FNDC3A: variants seen among roughly 807,000 people sequenced by gnomAD.
FNDC3A encodes fibronectin type III domain containing 3A.
In FNDC3A, 32 loss-of-function variants were observed where a neutral mutation model predicts 148.9. The ratio of observed to expected loss-of-function variants is 0.21; its 90% CI spans 0.16 to 0.29. FNDC3A has a LOEUF of 0.29. FNDC3A is among the 10% of genes least tolerant of loss of function. FNDC3A has a pLI of 1.00. For synonymous variants in FNDC3A, 472 were observed against 473.6 expected (o/e 1.00, Z 0.04); for missense variants, 1,191 against 1,452.8 (o/e 0.82, Z 2.93).
intron 5 of FNDC3A, among the ~76,000 whole-genome samples, chr13:49,134,320 G>GT (rs1356000005): frequency 6.6e-6 from 1 of 151,582 alleles, no homozygotes; most frequent in Non-Finnish European, 1.5e-5. Flanking sequence ...TTTGTGTCTA[G>GT]TTTTTTTTCA....
chr13:49,145,724 C>G, intron 7 of FNDC3A, 54 bp from the exon 8 acceptor site: 1 of 1,384,650 alleles, frequency 7.2e-7, no homozygotes, highest in South Asian at 1.2e-5. Flanking sequence ...TTTCACTGCT[C>G]ATTGTATACA....
At chr13:49,179,273 T>C (rs1447678055) in intron 14 of FNDC3A, among the ~76,000 whole-genome samples, 1 of 152,152 alleles carries the variant, frequency 6.6e-6, no homozygotes, top group Admixed American at 6.6e-5. Context: ...TCACAGAAAA[T>C]AATGCTACAT....
chr13:49,192,671 T>G (rs559464410), intron 19 of FNDC3A, among the ~76,000 whole-genome samples: 1 of 152,204 alleles, frequency 6.6e-6, no homozygotes. Context: ...AGAAGCCATC[T>G]TGTCAGCCTC....
chr13:49,008,781 A>G, intron 2 of FNDC3A, among the ~76,000 whole-genome samples: 1 of 152,136 alleles, frequency 6.6e-6, no homozygotes, highest in East Asian at 1.9e-4. Context: ...CATTTTGACA[A>G]GCAGCTTATG....
At chr13:49,189,814 A>G (rs1275158472) in intron 17 of FNDC3A, among the ~76,000 whole-genome samples, 1 of 148,672 alleles carries the variant, frequency 6.7e-6, no homozygotes, top group African/African-American at 2.4e-5. Context: ...AAGATGACCA[A>G]ATATTTTGTG....
chr13:48,984,673 G>GT (rs1381144807), intron 1 of FNDC3A, among the ~76,000 whole-genome samples: 3 of 151,918 alleles, frequency 2.0e-5, no homozygotes, highest in African/African-American at 7.3e-5. Flanking sequence ...GGACTAAATG[G>GT]TTTTTTATTT....
At chr13:49,006,957 T>C (rs927168897) in intron 2 of FNDC3A, among the ~76,000 whole-genome samples, 4 of 152,088 alleles carry the variant, frequency 2.6e-5, no homozygotes, top group African/African-American at 9.7e-5. Flanking sequence ...AGGAACAGTT[T>C]AGGTGCCCAT....
chr13:49,015,624 T>G (rs1416619193), intron 2 of FNDC3A, among the ~76,000 whole-genome samples: 1 of 152,176 alleles, frequency 6.6e-6, no homozygotes, highest in African/African-American at 2.4e-5. Context: ...TGGCCAGAAC[T>G]TCCAACACTA....
intron 3 of FNDC3A, among the ~76,000 whole-genome samples, chr13:49,104,484 A>G (rs1046116033): frequency 2.3e-5 from 1 of 42,778 alleles, no homozygotes; most frequent in African/African-American, 9.3e-5. Context: ...AGATCGCGCC[A>G]CTGCACTCCA....
intron 3 of FNDC3A, chr13:49,110,204 G>GC (rs938089071): frequency 1.3e-5 from 6 of 445,888 alleles, no homozygotes; most frequent in African/African-American, 1.2e-4. Flanking sequence ...GGGAACGTTT[G>GC]CTTTTTTTTC....
chr13:49,167,936 C>T (rs1016834545), intron 9 of FNDC3A, among the ~76,000 whole-genome samples: 1 of 152,062 alleles, frequency 6.6e-6, no homozygotes, highest in Non-Finnish European at 1.5e-5. Context: ...ATTTTGTTTA[C>T]ACATATCTTT....
intron 18 of FNDC3A, 36 bp from the exon 19 acceptor site, chr13:49,191,173 G>C (rs150382347): frequency 9.4e-6 from 15 of 1,603,304 alleles, no homozygotes; most frequent in East Asian, 2.2e-5. Flanking sequence ...GGAAGTATTC[G>C]TCTTGTTAAA....
At chr13:49,071,061 C>CTTTTTT (rs35935869) in intron 2 of FNDC3A, among the ~76,000 whole-genome samples, 5 of 84,716 alleles carry the variant, frequency 5.9e-5, no homozygotes, top group Admixed American at 3.4e-4. Flanking sequence ...CCCATGCCGG[C>CTTTTTT]TTTTTTTTTT....
At chr13:49,143,405 A>T (rs1474709270) in intron 7 of FNDC3A, among the ~76,000 whole-genome samples, 1 of 152,142 alleles carries the variant, frequency 6.6e-6, no homozygotes, top group Non-Finnish European at 1.5e-5. Context: ...TTAGCATTTT[A>T]AAATTTTTTT....
chr13:49,043,866 C>G (rs1170249952), intron 2 of FNDC3A, among the ~76,000 whole-genome samples: 1 of 152,006 alleles, frequency 6.6e-6, no homozygotes, highest in East Asian at 1.9e-4. Flanking sequence ...TAAATAAATA[C>G]TGTAGAAAAA....
At chr13:49,013,631 T>C (rs1952418142) in intron 2 of FNDC3A, among the ~76,000 whole-genome samples, 1 of 150,414 alleles carries the variant, frequency 6.6e-6, no homozygotes, top group African/African-American at 2.5e-5. Flanking sequence ...CGTGTATACA[T>C]GTATACATGT....
intron 1 of FNDC3A, among the ~76,000 whole-genome samples, chr13:48,999,029 G>A (rs1593452547): frequency 2.0e-5 from 3 of 152,334 alleles, no homozygotes; most frequent in South Asian, 4.1e-4. Flanking sequence ...GATCCAAAGT[G>A]CATGGGCCCA....
At chr13:49,006,804 G>A (rs1339841262) in intron 2 of FNDC3A, among the ~76,000 whole-genome samples, 1 of 151,924 alleles carries the variant, frequency 6.6e-6, no homozygotes, top group Non-Finnish European at 1.5e-5. Flanking sequence ...CCTAAAAAGG[G>A]ATAGGAATAA....
At position 49,207,439 on chromosome 13, in the gene FNDC3A, A is replaced by G; in HGVS notation, c.*44A>G. 8.3e-7 allele frequency: 1 copy of G among 1,202,132 alleles called. No homozygotes were observed. Among genetic ancestry groups the G allele is most frequent in the South Asian group, 1.5e-5 (1 of 66,858 alleles). 74.5% of individuals were successfully genotyped at this position (1,202,132 alleles called of 1,614,324 possible). A position where few individuals can be genotyped will look rare whatever the true frequency, so the allele number is the denominator to read the frequency against. ...TAACTCTATTACATTTTATTTTGTC[A>G]TGTACTAAAATTATTTCTGTATTGC... is the stretch of plus-strand genomic sequence containing the variant. On this transcript the variant is annotated 3_prime_UTR_variant, in exon 26 of 26. Transcript: ENST00000492622.
Sources: gnomAD v4.1 joint callset for allele counts (sites outside exome capture counted in the v4.1 genomes callset) on GRCh38, gnomAD v4.1.1 for gene constraint, MANE v1.5 for transcripts, NCBI Gene and HGNC (gene_info 2026-07-23, HGNC 2026-07-21) for gene names.